BAZ2B: variants seen among roughly 807,000 people sequenced by gnomAD.
The protein encoded by BAZ2B is bromodomain adjacent to zinc finger domain protein 2B.
In BAZ2B, 91 loss-of-function variants were observed where a neutral mutation model predicts 246.0. That is an observed-to-expected ratio of 0.37 (90% confidence interval 0.31 to 0.44). BAZ2B has a LOEUF of 0.44. Ranked by LOEUF, BAZ2B falls within the 20% of genes least tolerant of loss-of-function variation. The pLI is 1.00. For synonymous variants in BAZ2B, 855 were observed against 860.0 expected, an observed-to-expected ratio of 0.99 and a Z score of 0.10; for missense variants, 2,332 against 2,533.7, an observed-to-expected ratio of 0.92 and a Z score of 1.71.
chr2:159,318,548 C>T (rs895464343), downstream of BAZ2B, among the ~76,000 whole-genome samples: 3 of 152,204 alleles, frequency 2.0e-5, no homozygotes, highest in South Asian at 4.1e-4. Flanking sequence ...CTGTCTTGTA[C>T]GCCAATGATT....
chr2:159,602,858 T>A (rs1285130353), intron 1 of BAZ2B, among the ~76,000 whole-genome samples: 6 of 152,208 alleles, frequency 3.9e-5, no homozygotes, highest in African/African-American at 1.4e-4. Context: ...AAAGTGAGGC[T>A]AGGCATTGTG....
At chr2:159,387,451 A>G (rs1387405535) in intron 21 of BAZ2B, among the ~76,000 whole-genome samples, 1 of 152,218 alleles carries the variant, frequency 6.6e-6, no homozygotes, top group Admixed American at 6.5e-5. Context: ...AAAAAGTGAC[A>G]TAAATATTTC....
chr2:159,635,469 G>A, the BAZ2B span, among the ~76,000 whole-genome samples: 4 of 151,962 alleles, frequency 2.6e-5, no homozygotes, highest in South Asian at 2.1e-4. Context: ...CAGCTTTTTC[G>A]GAGCACATGT....
At chr2:159,385,890 C>T (rs2062597207) in intron 22 of BAZ2B, among the ~76,000 whole-genome samples, 1 of 152,120 alleles carries the variant, frequency 6.6e-6, no homozygotes. Context: ...GGAATGTATA[C>T]TGTATTTGGA....
chr2:159,574,849 A>G (rs568010590), intron 1 of BAZ2B, among the ~76,000 whole-genome samples: 23 of 152,198 alleles, frequency 1.5e-4, no homozygotes, highest in Admixed American at 9.2e-4. Flanking sequence ...ATGCGCCTGT[A>G]ATCCCAGCTA....
At chr2:159,573,623 G>C (rs1684543795) in intron 1 of BAZ2B, among the ~76,000 whole-genome samples, 1 of 152,102 alleles carries the variant, frequency 6.6e-6, no homozygotes, top group Non-Finnish European at 1.5e-5. Context: ...CTTAGATATG[G>C]CATCAAAAGC....
chr2:159,338,859 T>G lies in BAZ2B; in HGVS notation c.5455-1087A>C, dbSNP rs144749827. 3.8e-3 allele frequency among the ~76,000 whole-genome samples: 579 copies of G among 152,276 alleles called. 9 individuals carry two copies. The highest frequency in any genetic ancestry group is 0.013 in the African/African-American group (547 of 41,558). ...ATATCTCTGCCAGAAGTCAGTATTC[T>G]TCTTCTAAATTCATACATTACTCTG... is the stretch of plus-strand genomic sequence containing the variant. On this transcript the variant is annotated intron_variant, in intron 31 of 36. Transcript: ENST00000392783.
intron 34 of BAZ2B, among the ~76,000 whole-genome samples, chr2:159,329,136 G>GAAA (rs567964390): frequency 0.061 from 4,436 of 73,274 alleles, 134 homozygotes; most frequent in East Asian, 0.18. Flanking sequence ...GTCTTAATAG[G>GAAA]AAAAAAAAAA....
intron 2 of BAZ2B, among the ~76,000 whole-genome samples, chr2:159,519,304 A>C (rs1381344585): frequency 2.3e-5 from 3 of 129,948 alleles, no homozygotes; most frequent in South Asian, 2.4e-4. Flanking sequence ...ATCTCGGCTC[A>C]CTGCAAGCTC....
At position 159,327,798 on chromosome 2, in the gene BAZ2B, T is replaced by C. The variant is rs564440739; in HGVS notation, c.5944-1880A>G. Among the ~76,000 whole-genome samples, 10 of 152,306 alleles carry C rather than the reference T, an allele frequency of 6.6e-5. No homozygotes were observed. The East Asian group carries it at 1.9e-3, about 29-fold the overall frequency. Reference sequence around the variant, plus strand: ...ATGAAATTGGGCCAGGCGCGGTAACTCACGCCTGTAATCCCAGCGCTTTGG... The same window carrying C: ...ATGAAATTGGGCCAGGCGCGGTAACCCACGCCTGTAATCCCAGCGCTTTGG... On this transcript the variant is annotated intron_variant, in intron 34 of 36. Transcript: ENST00000392783.
intron 3 of BAZ2B, among the ~76,000 whole-genome samples, chr2:159,467,636 G>A (rs1437276361): frequency 1.3e-5 from 2 of 152,134 alleles, no homozygotes; most frequent in African/African-American, 4.8e-5. Context: ...TAGTGTCTTA[G>A]GAAAAAATTT....
intron 4 of BAZ2B, among the ~76,000 whole-genome samples, chr2:159,451,392 T>C (rs1559471507): frequency 6.6e-6 from 1 of 152,198 alleles, no homozygotes; most frequent in Non-Finnish European, 1.5e-5. Context: ...TGTGTCCTCA[T>C]TTATTTACTG....
At chr2:159,453,120 C>CA (rs150625126) in intron 4 of BAZ2B, among the ~76,000 whole-genome samples, 3,881 of 151,944 alleles carry the variant, frequency 0.026, 141 homozygotes, top group African/African-American at 0.088. Context: ...ACAAAACAAA[C>CA]AAAAAACAGA....
intron 27 of BAZ2B, among the ~76,000 whole-genome samples, chr2:159,360,551 C>T (rs982046588): frequency 7.2e-6 from 1 of 139,090 alleles, no homozygotes; most frequent in East Asian, 2.1e-4. Flanking sequence ...AGATTCAATG[C>T]TGTCCCCATC....
the BAZ2B span, among the ~76,000 whole-genome samples, chr2:159,662,609 C>T: frequency 6.6e-6 from 1 of 152,210 alleles, no homozygotes; most frequent in African/African-American, 2.4e-5. Context: ...ACTGCAATCT[C>T]TGCTTCCCGG....
intron 2 of BAZ2B, among the ~76,000 whole-genome samples, chr2:159,521,555 C>A (rs2084135069): frequency 6.6e-6 from 1 of 152,010 alleles, no homozygotes; most frequent in African/African-American, 2.4e-5. Context: ...TAAACCAAGA[C>A]CTCAGTGTCA....
the BAZ2B span, among the ~76,000 whole-genome samples, chr2:159,671,721 T>C: frequency 6.6e-6 from 1 of 152,202 alleles, no homozygotes; most frequent in African/African-American, 2.4e-5. Context: ...ATTTATATAA[T>C]GAAGACCAAA....
chr2:159,560,056 C>A (rs927181353), intron 1 of BAZ2B, among the ~76,000 whole-genome samples: 3 of 152,126 alleles, frequency 2.0e-5, no homozygotes, highest in Non-Finnish European at 4.4e-5. Flanking sequence ...CACGTACTAT[C>A]TTTATTTTTC....
At chr2:159,380,069 A>G (rs1320034516) in intron 25 of BAZ2B, among the ~76,000 whole-genome samples, 4 of 152,058 alleles carry the variant, frequency 2.6e-5, no homozygotes, top group Non-Finnish European at 1.5e-5. Flanking sequence ...CTACTCTTCA[A>G]AGGTAGCTCC....
Sources: allele counts gnomAD v4.1 joint callset (sites outside exome capture counted in the v4.1 genomes callset), GRCh38; gene constraint gnomAD v4.1.1; transcripts MANE v1.5; gene names NCBI Gene and HGNC (gene_info 2026-07-23, HGNC 2026-07-21).